The following COMMD10 variants were observed in gnomAD, a reference collection of about 807,000 sequenced individuals.
The protein encoded by COMMD10 is COMM domain-containing protein 10.
A neutral mutation model predicts 28.9 loss-of-function variants in COMMD10; 33 were observed. The observed-to-expected ratio is 1.14, with a 90% confidence interval of 0.87 to 1.53. The LOEUF is 1.53. COMMD10 is among the 40% of genes most tolerant of loss of function. COMMD10 has a pLI of 0.00. For missense variants in COMMD10, 310 were observed against 233.4 expected (o/e 1.33, Z -2.14); for synonymous variants, 110 against 81.7 (o/e 1.35, Z -1.87).
intron 5 of COMMD10, among the ~76,000 whole-genome samples, chr5:116,181,844 G>T (rs6879075): frequency 0.31 from 47,652 of 151,920 alleles, 10,354 homozygotes; most frequent in African/African-American, 0.62. Flanking sequence ...CTTTAAACTT[G>T]CTACTATATT....
intron 5 of COMMD10, among the ~76,000 whole-genome samples, chr5:116,233,410 G>C (rs1749577742): frequency 1.3e-5 from 2 of 152,148 alleles, no homozygotes; most frequent in South Asian, 4.1e-4. Flanking sequence ...TGGAGGACTT[G>C]AAATATATCT....
chr5:116,187,239 T>A (rs748219589), intron 5 of COMMD10, among the ~76,000 whole-genome samples: 6 of 152,162 alleles, frequency 3.9e-5, no homozygotes, highest in Non-Finnish European at 8.8e-5. Context: ...GTTATGAAAC[T>A]TATAATTAGG....
intron 5 of COMMD10, among the ~76,000 whole-genome samples, chr5:116,243,475 C>G (rs1561388627): frequency 1.3e-5 from 2 of 152,018 alleles, no homozygotes; most frequent in African/African-American, 2.4e-5. Flanking sequence ...ATAAAACATA[C>G]AAATTCCTAT....
chr5:116,085,204 G>A lies in COMMD10; in HGVS notation c.41+111G>A, dbSNP rs1447570509. On this transcript the variant is annotated intron_variant, in intron 1 of 6. Coordinates refer to ENST00000274458, the MANE Select transcript of COMMD10 (RefSeq NM_016144.4). ...CCTGGGCGCCGCGGCGGGCCCGGTT[G>A]AGTGGGGTGGGGTGGGGTGGGCTGC... The A allele has an allele frequency of 2.0e-5, 15 of 762,080 alleles. No homozygotes were observed. In the East Asian group the frequency reaches 5.4e-4, roughly 27 times the overall value. 47.2% of individuals were successfully genotyped at this position (762,080 alleles called of 1,614,324 possible). A position where few individuals can be genotyped will look rare whatever the true frequency, so the allele number is the denominator to read the frequency against.
At chr5:116,275,191 T>G (rs111405515) in intron 5 of COMMD10, among the ~76,000 whole-genome samples, 2 of 151,862 alleles carry the variant, frequency 1.3e-5, no homozygotes, top group Non-Finnish European at 2.9e-5. Context: ...AGAATCAGTT[T>G]TGTGGATGTA....
At chr5:116,156,071 C>T (rs1752696938) in intron 5 of COMMD10, among the ~76,000 whole-genome samples, 1 of 151,998 alleles carries the variant, frequency 6.6e-6, no homozygotes, top group Non-Finnish European at 1.5e-5. Context: ...TACTAAATAG[C>T]TGTGTGCCCT....
intron 5 of COMMD10, among the ~76,000 whole-genome samples, chr5:116,273,637 A>G (rs533637855): frequency 2.6e-5 from 4 of 151,926 alleles, no homozygotes; most frequent in African/African-American, 4.8e-5. Context: ...ATTAAACCAA[A>G]TTGTGAAGCT....
chr5:116,252,142 G>A (rs892072524), intron 5 of COMMD10, among the ~76,000 whole-genome samples: 2 of 146,356 alleles, frequency 1.4e-5, no homozygotes, highest in Non-Finnish European at 3.0e-5. Flanking sequence ...TTTTTGATGG[G>A]GTTGTTTGTT....
Position 116,135,410 on chromosome 5 carries a change from A to G in COMMD10, c.510+1232A>G, listed in dbSNP as rs953652204. ...TCTGTGGAATTGACTTGAGTCTTAC[A>G]TATAATGTATTAGTTTATTACAGTG... On this transcript the variant is annotated intron_variant, in intron 5 of 6. Coordinates refer to ENST00000274458, the MANE Select transcript of COMMD10 (RefSeq NM_016144.4). Among the ~76,000 whole-genome samples, 17 of 152,348 alleles carry G rather than the reference A, an allele frequency of 1.1e-4. 1 individual carries two copies. In the East Asian group the frequency reaches 3.1e-3, roughly 28 times the overall value.
intron 4 of COMMD10, among the ~76,000 whole-genome samples, chr5:116,109,164 A>G (rs184680794): frequency 1.3e-5 from 2 of 152,308 alleles, no homozygotes; most frequent in Non-Finnish European, 2.9e-5. Flanking sequence ...GCATATCATC[A>G]TAATAGTTCT....
rs545859192 is a variant in COMMD10, at chr5:116,203,535, G to T, written c.510+69357G>T. Among the ~76,000 whole-genome samples, 1,457 of 152,102 alleles carry T rather than the reference G, an allele frequency of 9.6e-3. 28 individuals carry two copies. The highest frequency in any genetic ancestry group is 0.031 in the African/African-American group (1,281 of 41,464). On this transcript the variant is annotated intron_variant, in intron 5 of 6. Coordinates refer to ENST00000274458, the MANE Select transcript of COMMD10 (RefSeq NM_016144.4). ...AAGGGAAGCCCATCAGACTAACAGC[G>T]GATCTCTCGGCAGAAACTCTACAAG... is the stretch of plus-strand genomic sequence containing the variant.
chr5:116,116,596 G>A (rs914155838), intron 4 of COMMD10, among the ~76,000 whole-genome samples: 4 of 152,060 alleles, frequency 2.6e-5, no homozygotes, highest in Admixed American at 6.5e-5. Flanking sequence ...AAAAGGCATA[G>A]GTTTTCTGTA....
chr5:116,208,699 GT>G (rs5870692), intron 5 of COMMD10, among the ~76,000 whole-genome samples: 99,899 of 125,848 alleles, frequency 0.79, 37,227 homozygotes, highest in South Asian at 0.87. Flanking sequence ...GTGACCACAC[GT>G]TTTTTTCTTG....
At chr5:116,259,291 T>G (rs1177474526) in intron 5 of COMMD10, among the ~76,000 whole-genome samples, 1 of 151,446 alleles carries the variant, frequency 6.6e-6, no homozygotes, top group African/African-American at 2.4e-5. Flanking sequence ...TTAAAGGTCC[T>G]TTAATTTTTC....
At chr5:116,263,288 C>T (rs562294601) in intron 5 of COMMD10, among the ~76,000 whole-genome samples, 1 of 151,710 alleles carries the variant, frequency 6.6e-6, no homozygotes, top group Non-Finnish European at 1.5e-5. Context: ...GAGTCATGCC[C>T]TACAAACCAT....
chr5:116,117,262 A>G (rs908940394), intron 4 of COMMD10, among the ~76,000 whole-genome samples: 1 of 152,164 alleles, frequency 6.6e-6, no homozygotes, highest in African/African-American at 2.4e-5. Context: ...TATGGATATT[A>G]TATTTTTTTC....
chr5:116,137,102 G>A lies in COMMD10; in HGVS notation c.510+2924G>A, dbSNP rs567972764. On this transcript the variant is annotated intron_variant, in intron 5 of 6. Transcript: ENST00000274458. Reference sequence around the variant, plus strand: ...CTATACCTCTTTTCCTCAATGAACTGCTGCCTGGAATTACTGCTCTTTCTC... The same window carrying A: ...CTATACCTCTTTTCCTCAATGAACTACTGCCTGGAATTACTGCTCTTTCTC... 1.2e-4 allele frequency among the ~76,000 whole-genome samples: 19 copies of A among 152,118 alleles called. No homozygotes were observed. In the South Asian group the frequency reaches 3.7e-3, roughly 30 times the overall value.
chr5:116,235,121 A>G (rs540523464), intron 5 of COMMD10, among the ~76,000 whole-genome samples: 1 of 152,272 alleles, frequency 6.6e-6, no homozygotes, highest in South Asian at 2.1e-4. Context: ...TATTTTTTCC[A>G]TCTGTGAAAT....
chr5:116,282,545 TA>T (rs375034293), intron 5 of COMMD10, among the ~76,000 whole-genome samples: 1 of 152,062 alleles, frequency 6.6e-6, no homozygotes, highest in African/African-American at 2.4e-5. Flanking sequence ...TGTTTGGTCT[TA>T]AATTAGCTTC....
Sources: allele counts gnomAD v4.1 joint callset (sites outside exome capture counted in the v4.1 genomes callset), GRCh38; gene constraint gnomAD v4.1.1; transcripts MANE v1.5; gene names NCBI Gene and HGNC (gene_info 2026-07-23, HGNC 2026-07-21).